MYO1D: variants seen among roughly 807,000 people sequenced by gnomAD.
MYO1D encodes the protein myosin ID.
A neutral mutation model predicts 122.0 loss-of-function variants in MYO1D; 83 were observed. The observed-to-expected ratio is 0.68, with a 90% CI of 0.57 to 0.82. MYO1D has a LOEUF of 0.82. Ranked by LOEUF, MYO1D falls within the 40% of genes least tolerant of loss-of-function variation. The probability of loss-of-function intolerance (pLI) is 0.00; values close to 1 mark genes in which losing one functional copy is unlikely to be tolerated. For missense variants in MYO1D, 1,157 were observed against 1,269.5 expected (o/e 0.91, Z 1.35); for synonymous variants, 464 against 446.9 (o/e 1.04, Z -0.48).
chr17:32,576,265 A>C (rs112286157), intron 21 of MYO1D, among the ~76,000 whole-genome samples: 5,654 of 152,258 alleles, frequency 0.037, 329 homozygotes, highest in African/African-American at 0.13. Context: ...GTAAACTACA[A>C]GGTTTTATAT....
intron 16 of MYO1D, chr17:32,684,094 C>T (rs947425504): frequency 6.5e-6 from 1 of 152,730 alleles, no homozygotes; most frequent in Non-Finnish European, 1.5e-5. Flanking sequence ...ATGCCTCGCC[C>T]TGCTTCGGCT....
At chr17:32,809,264 A>C (rs940637998) in intron 1 of MYO1D, among the ~76,000 whole-genome samples, 1 of 151,938 alleles carries the variant, frequency 6.6e-6, no homozygotes, top group African/African-American at 2.4e-5. Context: ...GACTACAGGC[A>C]TGTGTCACCA....
At chr17:32,563,584 C>T (rs1232293062) in intron 21 of MYO1D, among the ~76,000 whole-genome samples, 2 of 152,168 alleles carry the variant, frequency 1.3e-5, no homozygotes, top group Non-Finnish European at 2.9e-5. Context: ...GTGTGTGCTT[C>T]AGCACCTGCA....
intron 1 of MYO1D, among the ~76,000 whole-genome samples, chr17:32,869,523 T>C (rs1468723580): frequency 2.6e-5 from 4 of 152,172 alleles, no homozygotes; most frequent in Admixed American, 2.6e-4. Context: ...CCCAAACCAG[T>C]TCCAGTGGCA....
chr17:32,674,983 T>A (rs188641449), intron 16 of MYO1D, among the ~76,000 whole-genome samples: 1 of 152,330 alleles, frequency 6.6e-6, no homozygotes, highest in Admixed American at 6.5e-5. Flanking sequence ...TAGACTGTAA[T>A]TGATAGAAGG....
intron 1 of MYO1D, among the ~76,000 whole-genome samples, chr17:32,795,324 A>T (rs1451190922): frequency 6.6e-6 from 1 of 152,224 alleles, no homozygotes; most frequent in African/African-American, 2.4e-5. Context: ...ACGGCCAGCA[A>T]ACACGGCAAG....
chr17:32,755,412 C>T (rs1224625034), intron 11 of MYO1D, 80 bp downstream of exon 11: 4 of 1,392,588 alleles, frequency 2.9e-6, no homozygotes, highest in Non-Finnish European at 9.9e-7. Context: ...TTTATCCCAA[C>T]ATATAAAGTC....
chr17:32,547,746 A>C (rs1185043655), intron 21 of MYO1D, among the ~76,000 whole-genome samples: 2 of 152,196 alleles, frequency 1.3e-5, no homozygotes, highest in Non-Finnish European at 2.9e-5. Context: ...CAGGAGATCG[A>C]GACCAGCCTG....
intron 1 of MYO1D, among the ~76,000 whole-genome samples, chr17:32,844,035 A>G (rs1013657000): frequency 6.6e-6 from 1 of 151,246 alleles, no homozygotes; most frequent in Non-Finnish European, 1.5e-5. Context: ...ACACATACAT[A>G]CACACACAAG....
At chr17:32,580,278 C>A (rs2087320256) in intron 21 of MYO1D, among the ~76,000 whole-genome samples, 1 of 81,746 alleles carries the variant, frequency 1.2e-5, no homozygotes, top group Non-Finnish European at 2.2e-5. Flanking sequence ...TATTGTTAGT[C>A]TGCTAAGAGG....
rs79626822 is a variant in MYO1D, at chr17:32,821,706, G to A, written c.96-40922C>T. Among the ~76,000 whole-genome samples, 441 of 152,082 alleles carry A rather than the reference G, an allele frequency of 2.9e-3. 8 individuals carry two copies. The highest frequency in any genetic ancestry group is 0.01 in the African/African-American group (426 of 41,466). On this transcript the variant is annotated intron_variant, in intron 1 of 21. Coordinates refer to ENST00000318217, the MANE Select transcript of MYO1D (RefSeq NM_015194.3). ...GGACTGGGGGGAAAAGTTTTTTCAGGGAAAAACTCCTTTTACTTATAAGCA... is the reference window on the plus strand; with the variant it reads ...GGACTGGGGGGAAAAGTTTTTTCAGAGAAAAACTCCTTTTACTTATAAGCA...
chr17:32,505,112 T>C (rs1909459126), intron 21 of MYO1D: 1 of 152,242 alleles, frequency 6.6e-6, no homozygotes, highest in Non-Finnish European at 1.5e-5. Flanking sequence ...CTCCACACAG[T>C]CATCAGAGAG....
chr17:32,604,406 A>G (rs1204866182), intron 21 of MYO1D, among the ~76,000 whole-genome samples: 1 of 152,196 alleles, frequency 6.6e-6, no homozygotes, highest in Admixed American at 6.5e-5. Flanking sequence ...CAAATACTCC[A>G]TGACCCCTTA....
At chr17:32,846,684 T>C (rs1259009444) in intron 1 of MYO1D, among the ~76,000 whole-genome samples, 3 of 152,106 alleles carry the variant, frequency 2.0e-5, no homozygotes, top group African/African-American at 7.2e-5. Context: ...ATTTAAACAA[T>C]CAAGACAGGT....
intron 1 of MYO1D, among the ~76,000 whole-genome samples, chr17:32,836,274 A>G (rs1007282227): frequency 2.0e-5 from 3 of 152,234 alleles, no homozygotes; most frequent in Non-Finnish European, 4.4e-5. Context: ...AGAAGAGCAT[A>G]CTGAAGCTTA....
At position 32,494,567 on chromosome 17, in the gene MYO1D, C is replaced by G; in HGVS notation, c.*192G>C. 1.4e-6 allele frequency: 1 copy of G among 708,670 alleles called. No individual in the cohort carries two copies. The allele number at this position is 708,670 out of a possible 1,614,324, so 43.9% of individuals were successfully genotyped here. A position where few individuals can be genotyped will look rare whatever the true frequency, so the allele number is the denominator to read the frequency against. Reference sequence around the variant, plus strand: ...GGGTCTTTGGCTTATTGAACAGGGACCGTGGACAGTAAGGACAGAGGAAGA... The same window carrying G: ...GGGTCTTTGGCTTATTGAACAGGGAGCGTGGACAGTAAGGACAGAGGAAGA... On this transcript the variant is annotated 3_prime_UTR_variant, in exon 22 of 22. Transcript: ENST00000318217.
At position 32,775,890 on chromosome 17, in the gene MYO1D, G is replaced by A; in HGVS notation, c.538C>T (p.His180Tyr). The A allele has an allele frequency of 6.2e-7, 1 of 1,612,522 alleles. No homozygotes were observed. The highest frequency in any genetic ancestry group is 8.5e-7 in the Non-Finnish European group (1 of 1,179,200). Reference protein sequence around the residue: ...FDFKGDPIGGHINNYLLEKSR... With the variant: ...FDFKGDPIGGYINNYLLEKSR... The stretch of plus-strand genomic sequence containing the variant: ...TTTTCTAGTAAGTAGTTATTGATAT[G>A]CCCACCAATAGGGTCACCCTTGAAG... The change falls in exon 4 of 22, where the codon CAT becomes TAT. Residue 180 changes from histidine (H) to tyrosine (Y), a missense_variant. By Grantham distance (83) the His-to-Tyr change is moderately conservative. Transcript: ENST00000318217.
chr17:32,738,336 T>C lies in MYO1D; in HGVS notation c.1663A>G (p.Thr555Ala), dbSNP rs758322684. The C allele has an allele frequency of 6.2e-7, 1 of 1,607,584 alleles. No individual in the cohort carries two copies. Among genetic ancestry groups the C allele is most frequent in the Non-Finnish European group, 8.5e-7 (1 of 1,177,198 alleles). Residue 555 changes from threonine to alanine, a missense_variant, in exon 14 of 22, where the codon ACA becomes GCA. Coordinates refer to ENST00000318217, the MANE Select transcript of MYO1D (RefSeq NM_015194.3). ...GTCAGAGGTCGCTTGGTCACCTCTG[T>C]AATGCTCAGTTTGCCTTCAGGCCAC... ...NMWPEGKLSI[T>A]EVTKRPLTAA...
intron 16 of MYO1D, among the ~76,000 whole-genome samples, chr17:32,707,662 AC>A (rs1331901415): frequency 6.6e-6 from 1 of 152,228 alleles, no homozygotes; most frequent in Non-Finnish European, 1.5e-5. Context: ...TTGCTGGTCA[AC>A]AGCTCCCTAC....
Sources: allele counts gnomAD v4.1 joint callset (sites outside exome capture counted in the v4.1 genomes callset), GRCh38; gene constraint gnomAD v4.1.1; transcripts MANE v1.5; gene names NCBI Gene and HGNC (gene_info 2026-07-23, HGNC 2026-07-21).